Variants in HYDIN observed in about 807,000 individuals in gnomAD.
The protein encoded by HYDIN is axonemal central pair apparatus protein HYDIN.
In HYDIN, 132 loss-of-function variants were observed where a neutral mutation model predicts 403.9. The observed-to-expected ratio is 0.33, with a 90% CI of 0.28 to 0.38. The LOEUF is 0.38. Ranked by LOEUF, HYDIN falls within the 10% of genes least tolerant of loss-of-function variation. HYDIN has a pLI of 1.00. For synonymous variants in HYDIN, 1,202 were observed against 1,891.7 expected (o/e 0.64, Z 9.46); for missense variants, 2,827 against 5,009.5 (o/e 0.56, Z 13.15).
chr16:71,064,055 T>A (rs1330587527), intron 16 of HYDIN, among the ~76,000 whole-genome samples: 1 of 129,114 alleles, frequency 7.7e-6, no homozygotes, highest in Non-Finnish European at 1.8e-5. Flanking sequence ...GCATATATTT[T>A]AGTTAGAATA....
chr16:70,943,218 T>C (rs2077736712), intron 42 of HYDIN, among the ~76,000 whole-genome samples: 1 of 152,094 alleles, frequency 6.6e-6, no homozygotes, highest in South Asian at 2.1e-4. Flanking sequence ...GTAGAATTCT[T>C]ATGGAAAAAA....
intron 18 of HYDIN, among the ~76,000 whole-genome samples, chr16:71,047,871 T>G (rs979761814): frequency 3.3e-5 from 5 of 152,104 alleles, no homozygotes; most frequent in Non-Finnish European, 7.4e-5. Context: ...TTCTAGCTAT[T>G]TGAAAATATA....
chr16:70,930,881 A>T (rs2077300117), intron 45 of HYDIN, among the ~76,000 whole-genome samples: 1 of 152,218 alleles, frequency 6.6e-6, no homozygotes. Flanking sequence ...ATGTGATACA[A>T]AATTACTTGT....
intron 67 of HYDIN, among the ~76,000 whole-genome samples, chr16:70,865,691 C>CT (rs2039706683): frequency 6.6e-6 from 1 of 151,650 alleles, no homozygotes; most frequent in Admixed American, 6.6e-5. Flanking sequence ...GTGGGGTTCT[C>CT]TGAGTGTAGT....
intron 6 of HYDIN, among the ~76,000 whole-genome samples, chr16:71,158,437 T>G (rs912189647): frequency 6.6e-6 from 1 of 151,966 alleles, no homozygotes; most frequent in African/African-American, 2.4e-5. Flanking sequence ...CTTCACACTA[T>G]TAAATCTGTG....
At chr16:70,992,416 A>C (rs1417084606) in intron 23 of HYDIN, among the ~76,000 whole-genome samples, 15 of 137,258 alleles carry the variant, frequency 1.1e-4, no homozygotes. Context: ...TTTTCTGACT[A>C]CCAGTCTAGG....
At chr16:70,851,506 C>G (rs1368503747) in intron 73 of HYDIN, among the ~76,000 whole-genome samples, 4 of 148,046 alleles carry the variant, frequency 2.7e-5, no homozygotes, top group Admixed American at 6.6e-5. Flanking sequence ...CAGAGAAATG[C>G]AAGTCAAAAC....
At chr16:71,174,274 T>C (rs1490535723) in intron 5 of HYDIN, among the ~76,000 whole-genome samples, 2 of 152,112 alleles carry the variant, frequency 1.3e-5, no homozygotes, top group African/African-American at 2.4e-5. Context: ...ACAAACCACA[T>C]TAAATTCTCT....
rs1597618132 is a variant in HYDIN, at chr16:71,040,440, A to T, written c.2530-8523T>A. Among the ~76,000 whole-genome samples the T allele has an allele frequency of 2.7e-5, 4 of 148,658 alleles. No individual in the cohort carries two copies. The South Asian group carries it at 8.7e-4, about 32-fold the overall frequency. On this transcript the variant is annotated intron_variant, in intron 18 of 85. Coordinates refer to ENST00000393567, the MANE Select transcript of HYDIN (RefSeq NM_001270974.2). ...TGAGTCTTTTTATCCTCTTTGAGAA[A>T]GCCAGGAACCCCTTCATCAAAAAAT...
At chr16:70,947,393 C>T (rs1448151889) in intron 41 of HYDIN, among the ~76,000 whole-genome samples, 1 of 152,000 alleles carries the variant, frequency 6.6e-6, no homozygotes, top group African/African-American at 2.4e-5. Flanking sequence ...ATGAAGCCCA[C>T]TTGATCATGG....
Position 70,860,865 on chromosome 16 carries a change from G to A in HYDIN, c.11814C>T (p.Val3938=). 1 of 659,852 alleles carries A rather than the reference G, an allele frequency of 1.5e-6. No individual in the cohort carries two copies. Among genetic ancestry groups the A allele is most frequent in the East Asian group, 2.7e-5 (1 of 36,600 alleles). 40.9% of individuals were successfully genotyped at this position (659,852 alleles called of 1,614,324 possible). A position where few individuals can be genotyped will look rare whatever the true frequency, so the allele number is the denominator to read the frequency against. The change falls in exon 70 of 86, where the codon GTC becomes GTT. Residue 3938 remains valine, a synonymous_variant. Coordinates refer to ENST00000393567, the MANE Select transcript of HYDIN (RefSeq NM_001270974.2). ...PNLPPGEQGP[V]LVAKGRSTLP... ...AGGTGCTCCGCCCTTTTGCTACCAG[G>A]ACCGGACCTTGCTCTCCAGGTGGCA...
chr16:71,049,982 GAA>G (rs1491259498), intron 18 of HYDIN, among the ~76,000 whole-genome samples: 2 of 147,772 alleles, frequency 1.4e-5, no homozygotes, highest in African/African-American at 2.5e-5. Context: ...GATAGTACAA[GAA>G]TATATATATA....
At chr16:71,175,566 G>A (rs1355359941) in intron 5 of HYDIN, 41 bp downstream of exon 5, 2 of 1,599,540 alleles carry the variant, frequency 1.3e-6, no homozygotes, top group Admixed American at 1.7e-5. Flanking sequence ...ACTGCAATCT[G>A]CCAGTACAAG....
chr16:70,957,420 G>T (rs1232856727), intron 39 of HYDIN, among the ~76,000 whole-genome samples: 3 of 149,944 alleles, frequency 2.0e-5, no homozygotes, highest in Non-Finnish European at 4.4e-5. Flanking sequence ...TCTGCCTCCC[G>T]GGTTCAAATG....
At chr16:71,224,600 C>T (rs1484032290) in intron 1 of HYDIN, among the ~76,000 whole-genome samples, 14 of 126,130 alleles carry the variant, frequency 1.1e-4, no homozygotes, top group South Asian at 2.6e-4. Context: ...CTCGCTCTGT[C>T]GCCCAGGCTG....
intron 62 of HYDIN, among the ~76,000 whole-genome samples, chr16:70,875,125 G>A (rs1176578298): frequency 6.6e-6 from 1 of 151,806 alleles, no homozygotes; most frequent in African/African-American, 2.4e-5. Flanking sequence ...ATCAGCCCTT[G>A]TTATCTGAGT....
intron 10 of HYDIN, among the ~76,000 whole-genome samples, chr16:71,101,870 T>C (rs138376495): frequency 6.2e-4 from 94 of 152,274 alleles, no homozygotes; most frequent in African/African-American, 2.1e-3. Context: ...TGGCACCATG[T>C]ACCTGAAAAC....
chr16:71,135,435 T>C (rs1249559313), intron 8 of HYDIN, among the ~76,000 whole-genome samples: 1 of 147,146 alleles, frequency 6.8e-6, no homozygotes, highest in Non-Finnish European at 1.5e-5. Flanking sequence ...CCTTACATAG[T>C]TTTTGGTATT....
chr16:71,055,800 C>G (rs1223779905), intron 18 of HYDIN, among the ~76,000 whole-genome samples: 1 of 151,856 alleles, frequency 6.6e-6, no homozygotes, highest in African/African-American at 2.4e-5. Context: ...TCACTGACAT[C>G]TGGACCCAAG....
Sources: allele counts gnomAD v4.1 joint callset (sites outside exome capture counted in the v4.1 genomes callset), GRCh38; gene constraint gnomAD v4.1.1; transcripts MANE v1.5; gene names NCBI Gene and HGNC (gene_info 2026-07-23, HGNC 2026-07-21).